The following SLC6A12 variants were observed in gnomAD, a reference collection of about 807,000 sequenced individuals.
SLC6A12 encodes the protein sodium- and chloride-dependent betaine transporter.
A neutral mutation model predicts 73.3 loss-of-function variants in SLC6A12; 50 were observed. That is an observed-to-expected ratio of 0.68 (90% confidence interval 0.54 to 0.86). SLC6A12 has a LOEUF of 0.86. SLC6A12 is among the 40% of genes least tolerant of loss of function. SLC6A12 has a pLI of 0.00. For missense variants in SLC6A12, 648 were observed against 772.8 expected, an observed-to-expected ratio of 0.84 and a Z score of 1.92; for synonymous variants, 304 against 309.2, an observed-to-expected ratio of 0.98 and a Z score of 0.18.
intron 1 of SLC6A12, among the ~76,000 whole-genome samples, chr12:212,885 C>T (rs543015462): frequency 1.2e-4 from 18 of 151,786 alleles, no homozygotes; most frequent in African/African-American, 2.4e-4. Context: ...TTTGCTAAGC[C>T]GGGACAGGGG....
At chr12:188,454 C>T (rs1939481062), downstream of SLC6A12, among the ~76,000 whole-genome samples, 1 of 151,228 alleles carries the variant, frequency 6.6e-6, no homozygotes, top group South Asian at 2.1e-4. Context: ...GCCAGCGCCT[C>T]TCCCTCCACA....
intron 3 of SLC6A12, among the ~76,000 whole-genome samples, chr12:209,288 A>C (rs1591806746): frequency 6.6e-6 from 1 of 151,790 alleles, no homozygotes; most frequent in Non-Finnish European, 1.5e-5. Flanking sequence ...GTCACGTCTC[A>C]CCCCTCCACT....
At chr12:186,536 G>A (rs114062770), downstream of SLC6A12, among the ~76,000 whole-genome samples, 1,714 of 152,346 alleles carry the variant, frequency 0.011, 41 homozygotes, top group African/African-American at 0.038. Context: ...CCCTGTGTCA[G>A]CCAGGGCTGC....
rs371130193 is a variant in SLC6A12 at position 195,271 on chromosome 12, C to T, written c.1383G>A (p.Leu461=). The part of the protein sequence containing the change: ...FDYYASSGIC[L]LFLSLFEVVC... The stretch of plus-strand genomic sequence containing the variant: ...CCACTTCAAACAATGACAGGAACAG[C>T]AGGCATATGCCACTGGAAGCATAGT... The change falls in exon 13 of 16, where the codon CTG becomes CTA. Residue 461 remains leucine (L), a synonymous_variant. Coordinates refer to ENST00000684302, the MANE Select transcript of SLC6A12 (RefSeq NM_001122848.3). 5.5e-5 allele frequency: 88 copies of T among 1,613,686 alleles called. No homozygotes were observed. The highest frequency in any genetic ancestry group is 6.6e-5 in the Non-Finnish European group (78 of 1,179,644).
Position 197,490 on chromosome 12 carries a change from G to A in SLC6A12, c.962C>T (p.Ala321Val). 1 of 1,613,582 alleles carries A rather than the reference G, an allele frequency of 6.2e-7. No individual in the cohort carries two copies. The highest frequency in any genetic ancestry group is 1.1e-5 in the South Asian group (1 of 91,006). The change falls in exon 10 of 16, where the codon GCC (alanine) becomes GTC (valine). Residue 321 changes from alanine to valine, a missense_variant. Ala to Val is a moderately conservative substitution (Grantham distance 64, BLOSUM62 0). Coordinates refer to ENST00000684302, the MANE Select transcript of SLC6A12 (RefSeq NM_001122848.3). ...GGTGGCACTGTTCAGGAAGCAGAGGGCGATGCAGTCCCTGTGGGAGTGGGG... is the reference window on the plus strand; with the variant it reads ...GGTGGCACTGTTCAGGAAGCAGAGGACGATGCAGTCCCTGTGGGAGTGGGG... ...YHNNCYKDCI[A>V]LCFLNSATSF...
chr12:187,620 A>AAAAAAAAAAAAAG (rs1939458387), downstream of SLC6A12, among the ~76,000 whole-genome samples: 1 of 34,986 alleles, frequency 2.9e-5, no homozygotes, highest in African/African-American at 7.7e-5. Context: ...AAAAAAAAAA[A>AAAAAAAAAAAAAG]AAAAAAAAAA....
At chr12:212,637 C>A (rs1052019482) in intron 1 of SLC6A12, among the ~76,000 whole-genome samples, 3 of 152,110 alleles carry the variant, frequency 2.0e-5, no homozygotes, top group African/African-American at 7.2e-5. Context: ...GGCCCCGAGC[C>A]GTGGTAACTC....
In SLC6A12 at chr12:196,221, A is replaced by G; in HGVS notation, c.1229T>C (p.Met410Thr). 1.2e-6 allele frequency: 2 copies of G among 1,602,690 alleles called. No individual in the cohort carries two copies. Among genetic ancestry groups the G allele is most frequent in the South Asian group, 1.1e-5 (1 of 88,152 alleles). ...VECLVTASIDMFPRQLRKSGR... is the reference protein window; with the variant it reads ...VECLVTASIDTFPRQLRKSGR... ...GCTCTTCCGGAGCTGCCTGGGGAAC[A>G]TGTCTATGGAGGCTGTCACCAGGCA... The change falls in exon 12 of 16, where the codon ATG becomes ACG. Residue 410 changes from methionine to threonine, a missense_variant. Met to Thr is a moderately conservative substitution (Grantham distance 81). Coordinates refer to ENST00000684302, the MANE Select transcript of SLC6A12 (RefSeq NM_001122848.3).
At chr12:211,077 T>C (rs977278203) in intron 2 of SLC6A12, 1 of 152,206 alleles carries the variant, frequency 6.6e-6, no homozygotes, top group African/African-American at 2.4e-5. Flanking sequence ...TTCCCAGGAA[T>C]TGCCAAGAGG....
intron 14 of SLC6A12, 84 bp from the exon 15 acceptor site, chr12:192,732 A>T (rs1425891289): frequency 4.5e-6 from 6 of 1,342,146 alleles, no homozygotes; most frequent in Non-Finnish European, 5.3e-6. Context: ...AGGACAGAGG[A>T]CAAGTCAGGT....
At chr12:187,453 T>G (rs1408265616), downstream of SLC6A12, among the ~76,000 whole-genome samples, 1 of 151,150 alleles carries the variant, frequency 6.6e-6, no homozygotes, top group Non-Finnish European at 1.5e-5. Flanking sequence ...CGTCTGGAGT[T>G]TTTTTTTCCT....
At chr12:195,365 A>G (rs781128231) in intron 12 of SLC6A12, 38 bp from the exon 13 acceptor site, 4 of 1,338,982 alleles carry the variant, frequency 3.0e-6, no homozygotes, top group African/African-American at 1.4e-5. Context: ...TGGCCAGTGC[A>G]GAGCTGGGAC....
At chr12:192,895 C>A (rs12816769) in intron 14 of SLC6A12, 3 of 150,868 alleles carry the variant, frequency 2.0e-5, no homozygotes, top group South Asian at 1.5e-4. Context: ...AGACAGGAGG[C>A]GATACAAAGG....
chr12:192,888 CA>C (rs1565465443), intron 14 of SLC6A12: 11 of 472,536 alleles, frequency 2.3e-5, no homozygotes, highest in African/African-American at 1.6e-4. Context: ...CAGACGGAGA[CA>C]GGAGGCGATA....
In SLC6A12 at chr12:196,187, G is replaced by A. The variant is rs578165628; in HGVS notation, c.1263C>T (p.Arg421=). Residue 421 remains arginine, a synonymous_variant, in exon 12 of 16, where the codon CGC becomes CGT. Coordinates refer to ENST00000684302, the MANE Select transcript of SLC6A12 (RefSeq NM_001122848.3). The part of the protein sequence containing the change: ...FPRQLRKSGR[R]ELLILTIAVM... ...CGGCGATGGTGAGGATGAGGAGCTC[G>A]CGCCGCCCGCTCTTCCGGAGCTGCC... is the stretch of plus-strand genomic sequence containing the variant. The A allele has an allele frequency of 9.2e-5, 146 of 1,583,922 alleles. No homozygotes were observed. Among genetic ancestry groups the A allele is most frequent in the Non-Finnish European group, 1.1e-4 (123 of 1,166,048 alleles).
At chr12:189,810 G>A (rs1207813793), downstream of SLC6A12, among the ~76,000 whole-genome samples, 1 of 147,532 alleles carries the variant, frequency 6.8e-6, no homozygotes, top group Non-Finnish European at 1.5e-5. Context: ...GCCATGTGTG[G>A]CAGCTAAGGA....
At chr12:185,549 A>C (rs1250499416), downstream of SLC6A12, among the ~76,000 whole-genome samples, 1 of 152,230 alleles carries the variant, frequency 6.6e-6, no homozygotes, top group Non-Finnish European at 1.5e-5. Flanking sequence ...ACTGCACCAG[A>C]AGTTCCGGCT....
chr12:200,395 A>C (rs1045838270), intron 7 of SLC6A12, among the ~76,000 whole-genome samples: 3 of 152,178 alleles, frequency 2.0e-5, no homozygotes, highest in Admixed American at 6.5e-5. Context: ...GGCGTGAGCC[A>C]CTGCACCCGG....
At chr12:187,589 C>CAAAA (rs761187495), downstream of SLC6A12, among the ~76,000 whole-genome samples, 80 of 106,026 alleles carry the variant, frequency 7.5e-4, 6 homozygotes, top group African/African-American at 2.2e-3. Flanking sequence ...TGCAAAAGAG[C>CAAAA]AAAAAAAAAA....
Sources: allele counts gnomAD v4.1 joint callset (sites outside exome capture counted in the v4.1 genomes callset), GRCh38; gene constraint gnomAD v4.1.1; transcripts MANE v1.5; gene names NCBI Gene and HGNC (gene_info 2026-07-23, HGNC 2026-07-21).